The following BCAS3 variants were observed in gnomAD, a reference collection of about 807,000 sequenced individuals.
BCAS3 encodes BCAS4/BCAS3 fusion.
Under a neutral mutation model 116.1 loss-of-function variants are expected in BCAS3, and 53 were observed. That is an observed-to-expected ratio of 0.46 (90% CI 0.37 to 0.57). BCAS3 has a LOEUF of 0.57. Among genes scored for constraint, BCAS3 ranks in the 20% least tolerant of loss-of-function variants. The pLI, the probability that BCAS3 is intolerant of heterozygous loss-of-function variation, is 0.00. For missense variants in BCAS3, 917 were observed against 1,165.4 expected (o/e 0.79, Z 3.10); for synonymous variants, 391 against 408.2 (o/e 0.96, Z 0.51).
intron 22 of BCAS3, among the ~76,000 whole-genome samples, chr17:61,254,777 GA>G (rs61471068): frequency 1.4e-5 from 1 of 73,528 alleles, no homozygotes; most frequent in African/African-American, 6.3e-5. Context: ...CTCCGTCTCA[GA>G]AAAAAAAAAA....
At chr17:61,075,288 ATTT>A (rs2071863495) in intron 20 of BCAS3, among the ~76,000 whole-genome samples, 1 of 152,040 alleles carries the variant, frequency 6.6e-6, no homozygotes, top group Admixed American at 6.6e-5. Flanking sequence ...CACACAATCC[ATTT>A]AAAGCCTTAG....
intron 6 of BCAS3, among the ~76,000 whole-genome samples, chr17:60,794,264 T>C (rs867358370): frequency 6.0e-4 from 91 of 152,230 alleles, no homozygotes; most frequent in African/African-American, 2.1e-3. Context: ...TGTTTTTTTC[T>C]TACTAATTGG....
chr17:60,824,822 A>T (rs551861619), intron 7 of BCAS3, among the ~76,000 whole-genome samples: 1 of 152,268 alleles, frequency 6.6e-6, no homozygotes, highest in African/African-American at 2.4e-5. Context: ...TTTCTGGAAG[A>T]TATTTGGAGT....
chr17:60,759,036 C>T (rs189200914), intron 6 of BCAS3, among the ~76,000 whole-genome samples: 1 of 150,950 alleles, frequency 6.6e-6, no homozygotes, highest in Non-Finnish European at 1.5e-5. Flanking sequence ...TGCAGTGGCA[C>T]GATCTCGACT....
Position 61,380,963 on chromosome 17 carries a change from G to A in BCAS3, c.2594-11014G>A, listed in dbSNP as rs1409574433. Among the ~76,000 whole-genome samples, 1 of 152,230 alleles carries A rather than the reference G, an allele frequency of 6.6e-6. No homozygotes were observed. The highest frequency in any genetic ancestry group is 1.5e-5 in the Non-Finnish European group (1 of 68,038). ...TTTGCAGTCCCTGCAGGAGCCTGGA[G>A]CTGGCCCCTAGTATAATTGGTGCTG... On this transcript the variant is annotated intron_variant, in intron 23 of 23. Transcript: ENST00000407086. The surrounding 1 kb of genome is among the most constrained non-coding windows in gnomAD (Gnocchi z 4.2).
In BCAS3 at chr17:60,881,549, C is replaced by T. The variant is rs962728553; in HGVS notation, c.661+6811C>T. On this transcript the variant is annotated intron_variant, in intron 9 of 23. Transcript: ENST00000407086. Reference sequence around the variant, plus strand: ...TGGTGCGCTGCACCCACTAACTCGTCATCTAGCATTAGGTATATCTCGCAG... The same window carrying T: ...TGGTGCGCTGCACCCACTAACTCGTTATCTAGCATTAGGTATATCTCGCAG... 9.3e-5 allele frequency among the ~76,000 whole-genome samples: 14 copies of T among 151,204 alleles called. No homozygotes were observed. In the South Asian group the frequency reaches 2.7e-3, roughly 30 times the overall value.
At chr17:61,067,253 CTTTA>C (rs1348730669) in intron 19 of BCAS3, among the ~76,000 whole-genome samples, 7 of 99,674 alleles carry the variant, frequency 7.0e-5, no homozygotes, top group African/African-American at 2.6e-4. Flanking sequence ...CATTTCATAA[CTTTA>C]TTTATGTGTG....
chr17:61,227,252 C>CTCT lies in BCAS3; in HGVS notation c.2426-141071_2426-141069dup, dbSNP rs560919913. Among the ~76,000 whole-genome samples, 155 of 152,212 alleles carry CTCT rather than the reference C, an allele frequency of 1.0e-3. 1 individual carries two copies. The highest frequency in any genetic ancestry group is 3.4e-3 in the African/African-American group (141 of 41,520). On this transcript the variant is annotated intron_variant, in intron 22 of 23. Coordinates refer to ENST00000407086, the MANE Select transcript of BCAS3 (RefSeq NM_017679.5). This position sits in a 1 kb window ranked among gnomAD's most constrained non-coding sequence, Gnocchi z 6.1. ...GAGAAGCTAGTGCAATTTATGAGTC[C>CTCT]TCTTCTGAAAAAAATGCAGATACTC...
At chr17:61,330,684 C>T (rs2143107451) in intron 22 of BCAS3, among the ~76,000 whole-genome samples, 1 of 152,354 alleles carries the variant, frequency 6.6e-6, no homozygotes, top group South Asian at 2.1e-4. Context: ...TCCTCAGAAA[C>T]ACACACCAGT....
At position 61,376,538 on chromosome 17, in the gene BCAS3, G is replaced by C. The variant is rs183587759; in HGVS notation, c.2593+8044G>C. Among the ~76,000 whole-genome samples, 196 of 152,336 alleles carry C rather than the reference G, an allele frequency of 1.3e-3. 2 individuals are homozygous for C. In the Middle Eastern group the frequency reaches 0.02, roughly 16 times the overall value. On this transcript the variant is annotated intron_variant, in intron 23 of 23. Coordinates refer to ENST00000407086, the MANE Select transcript of BCAS3 (RefSeq NM_017679.5). The surrounding 1 kb of genome is among the most constrained non-coding windows in gnomAD (Gnocchi z 4.5). Reference sequence around the variant, plus strand: ...ATCGCTCTCCTCTCCAGGATCCCCAGTGTGGCCGCCCATGAGACCCAGTCT... The same window carrying C: ...ATCGCTCTCCTCTCCAGGATCCCCACTGTGGCCGCCCATGAGACCCAGTCT...
At position 61,372,025 on chromosome 17, in the gene BCAS3, C is replaced by G. The variant is rs996798650; in HGVS notation, c.2593+3531C>G. The stretch of plus-strand genomic sequence containing the variant: ...GCCTTTTTGCTAATATCCTTCTGCC[C>G]CTTGCCCCGTCACCCTTCCATCTTT... On this transcript the variant is annotated intron_variant, in intron 23 of 23. Transcript: ENST00000407086. Among the ~76,000 whole-genome samples, 3 of 152,196 alleles carry G rather than the reference C, an allele frequency of 2.0e-5. No homozygotes were observed. In the East Asian group the frequency reaches 5.8e-4, roughly 29 times the overall value.
At chr17:61,099,713 G>GCATTAACACTAAC (rs2074206338) in intron 22 of BCAS3, among the ~76,000 whole-genome samples, 1 of 152,200 alleles carries the variant, frequency 6.6e-6, no homozygotes, top group African/African-American at 2.4e-5. Flanking sequence ...CTCTAGCGAA[G>GCATTAACACTAAC]TCTTGCTTTC....
intron 22 of BCAS3, among the ~76,000 whole-genome samples, chr17:61,147,061 C>A (rs970532932): frequency 6.6e-6 from 1 of 151,266 alleles, no homozygotes; most frequent in Non-Finnish European, 1.5e-5. Context: ...ACTATAGGCA[C>A]ACACCACCAT....
At chr17:60,806,689 G>T (rs1003617589) in intron 6 of BCAS3, among the ~76,000 whole-genome samples, 4 of 151,904 alleles carry the variant, frequency 2.6e-5, no homozygotes, top group Non-Finnish European at 4.4e-5. Context: ...AGTAGCTAGG[G>T]CTACAGGAGT....
chr17:60,841,632 G>A (rs992098708), intron 7 of BCAS3, among the ~76,000 whole-genome samples: 1 of 149,428 alleles, frequency 6.7e-6, no homozygotes, highest in Non-Finnish European at 1.5e-5. Context: ...CGCCCGCCTC[G>A]GCCTCCCAAA....
intron 7 of BCAS3, among the ~76,000 whole-genome samples, chr17:60,850,742 T>C (rs2053063107): frequency 6.6e-6 from 1 of 152,214 alleles, no homozygotes; most frequent in South Asian, 2.1e-4. Flanking sequence ...GCTTGATGGC[T>C]CATTTCTTTT....
chr17:61,084,407 G>T lies in BCAS3; in HGVS notation c.2328-60G>T. On this transcript the variant is annotated intron_variant, in intron 21 of 23. Coordinates refer to ENST00000407086, the MANE Select transcript of BCAS3 (RefSeq NM_017679.5). The surrounding 1 kb of genome is among the most constrained non-coding windows in gnomAD (Gnocchi z 5.5). ...CAGCATTCCTGATTTAAGGTCATTTGTAGCAAGTGACAGTTTTGATGCCAG... is the reference window on the plus strand; with the variant it reads ...CAGCATTCCTGATTTAAGGTCATTTTTAGCAAGTGACAGTTTTGATGCCAG... 1 of 1,362,296 alleles carries T rather than the reference G, an allele frequency of 7.3e-7. No homozygotes were observed. The highest frequency in any genetic ancestry group is 1.4e-5 in the African/African-American group (1 of 69,024). The allele number at this position is 1,362,296 out of a possible 1,614,324, so 84.4% of individuals were successfully genotyped here.
At chr17:61,115,926 T>C (rs1032661835) in intron 22 of BCAS3, among the ~76,000 whole-genome samples, 4 of 151,662 alleles carry the variant, frequency 2.6e-5, no homozygotes, top group Non-Finnish European at 5.9e-5. Flanking sequence ...AAATGATGAG[T>C]TCATGTCCTT....
rs2054630345 is a variant in BCAS3 at position 61,315,254 on chromosome 17, A to G, written c.2426-53073A>G. Among the ~76,000 whole-genome samples, 1 of 152,104 alleles carries G rather than the reference A, an allele frequency of 6.6e-6. No homozygotes were observed. Among genetic ancestry groups the G allele is most frequent in the Non-Finnish European group, 1.5e-5 (1 of 68,024 alleles). ...CTCAGCCTCCCAAGTAGCTGGGATT[A>G]TAGGCGCCCACCACCACACCCGGCT... On this transcript the variant is annotated intron_variant, in intron 22 of 23. Transcript: ENST00000407086. This position sits in a 1 kb window ranked among gnomAD's most constrained non-coding sequence, Gnocchi z 5.3.
Sources: gnomAD v4.1 joint callset for allele counts (sites outside exome capture counted in the v4.1 genomes callset) on GRCh38, gnomAD v4.1.1 for gene constraint, Gnocchi (gnomAD v3.1) non-coding constraint, MANE v1.5 for transcripts, NCBI Gene and HGNC (gene_info 2026-07-23, HGNC 2026-07-21) for gene names.